Variants in CAAP1 observed in about 807,000 individuals in gnomAD.
CAAP1 encodes the protein conserved anti-apoptotic protein.
A neutral mutation model predicts 34.0 loss-of-function variants in CAAP1; 20 were observed. The observed-to-expected ratio is 0.59, with a 90% CI of 0.41 to 0.86. CAAP1 has a LOEUF of 0.86. CAAP1 is among the 40% of genes least tolerant of loss of function. CAAP1 has a pLI of 0.00. For missense variants in CAAP1, 538 were observed against 450.5 expected (o/e 1.19, Z -1.76); for synonymous variants, 213 against 166.7 (o/e 1.28, Z -2.14).
At chr9:26,887,648 C>T in intron 1 of CAAP1, 135 bp from the exon 2 acceptor site, 3 of 602,902 alleles carry the variant, frequency 5.0e-6, no homozygotes, top group Non-Finnish European at 8.4e-6. Context: ...AATTATTTAT[C>T]AAAACCATAG....
intron 4 of CAAP1, among the ~76,000 whole-genome samples, chr9:26,861,926 G>A (rs1430488907): frequency 6.6e-6 from 1 of 152,074 alleles, no homozygotes; most frequent in Non-Finnish European, 1.5e-5. Context: ...ATAACCGAAG[G>A]ATTAAAAAAG....
rs1021009894 is a variant in CAAP1 at position 26,847,757 on chromosome 9, C to T, written c.740-5110G>A. ...TGTTTTTTTTTCTCAGAAATATTAACATTTAGCTAAATCTGTTGATTTTTT... is the reference window on the plus strand; with the variant it reads ...TGTTTTTTTTTCTCAGAAATATTAATATTTAGCTAAATCTGTTGATTTTTT... On this transcript the variant is annotated intron_variant, in intron 5 of 5. Coordinates refer to ENST00000333916, the MANE Select transcript of CAAP1 (RefSeq NM_024828.4). Among the ~76,000 whole-genome samples the T allele has an allele frequency of 7.2e-5, 11 of 151,796 alleles. 1 individual carries two copies. The South Asian group carries it at 1.7e-3, about 23-fold the overall frequency.
At chr9:26,848,637 A>G (rs2131297211) in intron 5 of CAAP1, among the ~76,000 whole-genome samples, 1 of 152,370 alleles carries the variant, frequency 6.6e-6, no homozygotes, top group South Asian at 2.1e-4. Context: ...AGAGAATCCC[A>G]CAGCTCTCAC....
At chr9:26,889,091 A>C (rs1346670976) in intron 1 of CAAP1, among the ~76,000 whole-genome samples, 3 of 152,212 alleles carry the variant, frequency 2.0e-5, no homozygotes, top group Non-Finnish European at 2.9e-5. Context: ...AACGTTACAC[A>C]TAAGGTTGCT....
chr9:26,847,116 A>AT (rs1392990811), intron 5 of CAAP1, among the ~76,000 whole-genome samples: 4 of 140,284 alleles, frequency 2.9e-5, no homozygotes, highest in South Asian at 4.5e-4. Context: ...TATCTTGGTC[A>AT]TTTTTTTTCA....
intron 5 of CAAP1, among the ~76,000 whole-genome samples, chr9:26,844,755 G>T (rs1386728445): frequency 6.6e-6 from 1 of 152,148 alleles, no homozygotes; most frequent in Non-Finnish European, 1.5e-5. Flanking sequence ...TGTCTACAGT[G>T]GCTGATGAGA....
chr9:26,860,798 A>G (rs576604436), intron 5 of CAAP1, among the ~76,000 whole-genome samples: 1 of 152,278 alleles, frequency 6.6e-6, no homozygotes, highest in Admixed American at 6.5e-5. Flanking sequence ...CTCAAAATAA[A>G]TAAATAAATA....
intron 1 of CAAP1, among the ~76,000 whole-genome samples, chr9:26,888,337 C>CAAAGTAA: frequency 6.6e-6 from 1 of 152,316 alleles, no homozygotes; most frequent in Middle Eastern, 3.4e-3. Flanking sequence ...TCGACTGTAA[C>CAAAGTAA]CTATTCTCCT....
intron 3 of CAAP1, among the ~76,000 whole-genome samples, chr9:26,885,728 A>C (rs1477923162): frequency 6.6e-6 from 1 of 152,224 alleles, no homozygotes; most frequent in East Asian, 1.9e-4. Context: ...CTTATTAGAG[A>C]GTAAACAATA....
intron 5 of CAAP1, 21 bp from the exon 6 acceptor site, chr9:26,842,668 A>G: frequency 1.3e-6 from 2 of 1,554,842 alleles, no homozygotes; most frequent in Non-Finnish European, 1.7e-6. Flanking sequence ...AAAAGGAGAA[A>G]GATCCATGTA....
chr9:26,892,216 T>TG, intron 1 of CAAP1, 197 bp downstream of exon 1: 1 of 1,403,210 alleles, frequency 7.1e-7, no homozygotes. Context: ...TCCAGAAACT[T>TG]GAAGTTCAAG....
chr9:26,869,193 TA>T (rs956208444), intron 4 of CAAP1, among the ~76,000 whole-genome samples: 3 of 150,852 alleles, frequency 2.0e-5, no homozygotes, highest in Non-Finnish European at 4.4e-5. Context: ...TAATAAAAAG[TA>T]AAAAAAAATA....
intron 4 of CAAP1, among the ~76,000 whole-genome samples, chr9:26,866,962 G>A (rs761803888): frequency 6.6e-6 from 1 of 152,104 alleles, no homozygotes; most frequent in Non-Finnish European, 1.5e-5. Flanking sequence ...GAACTGAGCC[G>A]CACAGTAGGA....
intron 4 of CAAP1, among the ~76,000 whole-genome samples, chr9:26,865,142 A>C (rs538724783): frequency 6.6e-6 from 1 of 152,206 alleles, no homozygotes; most frequent in African/African-American, 2.4e-5. Context: ...ATTCAAATAT[A>C]TATGTTTTCT....
intron 4 of CAAP1, chr9:26,870,043 T>C (rs1417621149): frequency 1.8e-6 from 1 of 554,990 alleles, no homozygotes; most frequent in Non-Finnish European, 2.3e-6. Context: ...GAATAACTTT[T>C]TTTTTTTTTT....
intron 1 of CAAP1, among the ~76,000 whole-genome samples, chr9:26,890,749 T>C (rs553975304): frequency 6.6e-6 from 1 of 152,084 alleles, no homozygotes; most frequent in Admixed American, 6.5e-5. Context: ...ATCAAGACCA[T>C]CCTGGCTAAC....
intron 3 of CAAP1, 75 bp from the exon 4 acceptor site, chr9:26,884,960 A>G: frequency 1.8e-6 from 2 of 1,122,936 alleles, no homozygotes; most frequent in Non-Finnish European, 2.6e-6. Context: ...ATTAAAAAGT[A>G]TAATCTTTAA....
intron 5 of CAAP1, among the ~76,000 whole-genome samples, chr9:26,855,934 G>C (rs1279212718): frequency 1.3e-5 from 2 of 152,152 alleles, no homozygotes; most frequent in African/African-American, 4.8e-5. Context: ...TCACAGGATA[G>C]AATGTTTAAA....
chr9:26,874,223 A>T (rs1481862319), intron 4 of CAAP1, among the ~76,000 whole-genome samples: 2 of 151,522 alleles, frequency 1.3e-5, no homozygotes, highest in Non-Finnish European at 2.9e-5. Context: ...AAAAAAAAAA[A>T]AAAAAAAAAA....
Sources: allele counts gnomAD v4.1 joint callset (sites outside exome capture counted in the v4.1 genomes callset), GRCh38; gene constraint gnomAD v4.1.1; transcripts MANE v1.5; gene names NCBI Gene and HGNC (gene_info 2026-07-23, HGNC 2026-07-21).